Variants in LRRC75A observed in about 807,000 individuals in gnomAD.
LRRC75A encodes the protein leucine rich repeat containing 75A, also known as leucine-rich repeat-containing protein 75A.
A neutral mutation model predicts 26.0 loss-of-function variants in LRRC75A; 12 were observed. The ratio of observed to expected loss-of-function variants is 0.46; its 90% confidence interval spans 0.30 to 0.75. The LOEUF (loss-of-function observed/expected upper bound fraction) is 0.75, where lower values mean the gene tolerates loss of function less well. LRRC75A is among the 30% of genes least tolerant of loss of function. The probability of loss-of-function intolerance (pLI) is 0.08; values close to 1 mark genes in which losing one functional copy is unlikely to be tolerated. For synonymous variants in LRRC75A, 223 were observed against 219.3 expected (o/e 1.02, Z -0.15); for missense variants, 410 against 486.6 (o/e 0.84, Z 1.48).
intron 1 of LRRC75A, among the ~76,000 whole-genome samples, chr17:16,486,285 G>A (rs2093846980): frequency 6.6e-6 from 1 of 152,014 alleles, no homozygotes; most frequent in Non-Finnish European, 1.5e-5. Flanking sequence ...CTGAGGAGGT[G>A]GCATTTGTTC....
chr17:16,483,515 G>A (rs1375206123), intron 1 of LRRC75A, among the ~76,000 whole-genome samples: 1 of 152,200 alleles, frequency 6.6e-6, no homozygotes, highest in Non-Finnish European at 1.5e-5. Context: ...CTCAGGGCCT[G>A]GAAGAAATAA....
At chr17:16,446,320 C>T (rs1601069998) in intron 3 of LRRC75A, among the ~76,000 whole-genome samples, 3 of 152,326 alleles carry the variant, frequency 2.0e-5, no homozygotes, top group Admixed American at 2.0e-4. Context: ...TCTTCCTCTA[C>T]TAGGGGGAGA....
intron 1 of LRRC75A, among the ~76,000 whole-genome samples, chr17:16,470,121 T>C (rs2093799113): frequency 6.6e-6 from 1 of 152,104 alleles, no homozygotes; most frequent in African/African-American, 2.4e-5. Flanking sequence ...AGTGTTTGTC[T>C]TTTTTTGGTG....
intron 2 of LRRC75A, among the ~76,000 whole-genome samples, chr17:16,461,897 T>C (rs1288790174): frequency 2.6e-5 from 4 of 151,832 alleles, no homozygotes; most frequent in Non-Finnish European, 5.9e-5. Context: ...GTACAACCTG[T>C]ACAACTGTAT....
At chr17:16,480,814 G>C (rs1258179688) in intron 1 of LRRC75A, among the ~76,000 whole-genome samples, 1 of 152,136 alleles carries the variant, frequency 6.6e-6, no homozygotes, top group Non-Finnish European at 1.5e-5. Flanking sequence ...CCTGTGACGA[G>C]GGAAGTCAGG....
intron 2 of LRRC75A, among the ~76,000 whole-genome samples, chr17:16,459,891 C>T (rs1568966279): frequency 6.6e-6 from 1 of 152,218 alleles, no homozygotes; most frequent in Non-Finnish European, 1.5e-5. Flanking sequence ...TTTAGCAGGG[C>T]TCACCCACTC....
intron 1 of LRRC75A, chr17:16,463,777 C>T (rs1252791945): frequency 6.6e-6 from 1 of 152,298 alleles, no homozygotes; most frequent in East Asian, 1.9e-4. Flanking sequence ...GATGGAGACA[C>T]CAAGGCCCAC....
At chr17:16,482,325 G>A (rs2093836312) in intron 1 of LRRC75A, among the ~76,000 whole-genome samples, 3 of 152,122 alleles carry the variant, frequency 2.0e-5, no homozygotes, top group Admixed American at 1.3e-4. Context: ...GTGGGTGGAG[G>A]CTCCATGGGG....
chr17:16,492,174 T>G lies in LRRC75A; in HGVS notation c.-184A>C. The stretch of plus-strand genomic sequence containing the variant: ...TCGGCGCTCCCCGCGCTCCTCCCTC[T>G]TGGCTACCCGGGCGCGCTCCCCGGG... On this transcript the variant is annotated 5_prime_UTR_variant, in exon 1 of 4. Transcript: ENST00000470794. The G allele has an allele frequency of 6.3e-6, 2 of 316,906 alleles. No homozygotes were observed. The highest frequency in any genetic ancestry group is 9.0e-6 in the Non-Finnish European group (2 of 222,438). 19.6% of individuals were successfully genotyped at this position (316,906 alleles called of 1,614,324 possible). A position where few individuals can be genotyped will look rare whatever the true frequency, so the allele number is the denominator to read the frequency against.
intron 3 of LRRC75A, among the ~76,000 whole-genome samples, chr17:16,444,671 C>T (rs2093565424): frequency 1.3e-5 from 2 of 151,892 alleles, no homozygotes; most frequent in African/African-American, 2.4e-5. Context: ...AGCCTGGTGG[C>T]AGCTGCTGAC....
In LRRC75A at chr17:16,492,047, A is replaced by G; in HGVS notation, c.-57T>C. ...GGGCCGCGAGGCCGCGTCCCCGCCAACCGCCCGCCCCTCGGCCGCCCGTGC... is the reference window on the plus strand; with the variant it reads ...GGGCCGCGAGGCCGCGTCCCCGCCAGCCGCCCGCCCCTCGGCCGCCCGTGC... On this transcript the variant is annotated 5_prime_UTR_variant, in exon 1 of 4. Transcript: ENST00000470794. The G allele has an allele frequency of 9.2e-7, 1 of 1,089,358 alleles. No individual in the cohort carries two copies. The highest frequency in any genetic ancestry group is 6.0e-5 in the East Asian group (1 of 16,730). The allele number at this position is 1,089,358 out of a possible 1,614,324, so 67.5% of individuals were successfully genotyped here.
At chr17:16,454,951 G>A (rs1049404941) in intron 2 of LRRC75A, among the ~76,000 whole-genome samples, 1 of 149,984 alleles carries the variant, frequency 6.7e-6, no homozygotes, top group African/African-American at 2.5e-5. Flanking sequence ...TTTTAGTGAC[G>A]GAGTCTTGCT....
intron 1 of LRRC75A, among the ~76,000 whole-genome samples, chr17:16,485,821 C>T (rs1338494445): frequency 6.6e-6 from 1 of 152,068 alleles, no homozygotes; most frequent in African/African-American, 2.4e-5. Context: ...CTGACCCCAC[C>T]CCCTCTGCAT....
chr17:16,448,054 C>A (rs752428551), intron 2 of LRRC75A, 94 bp from the exon 3 acceptor site: 1 of 1,164,450 alleles, frequency 8.6e-7, no homozygotes, highest in Non-Finnish European at 1.2e-6. Context: ...GAGCCCAGCT[C>A]CCCCAGGCTG....
chr17:16,456,189 A>AGG (rs761199798), intron 2 of LRRC75A, among the ~76,000 whole-genome samples: 30,617 of 98,892 alleles, frequency 0.31, 7,240 homozygotes, highest in African/African-American at 0.34. Flanking sequence ...GAGGAAGAGG[A>AGG]GGAAGGAGGA....
intron 1 of LRRC75A, among the ~76,000 whole-genome samples, chr17:16,466,374 C>T (rs926170521): frequency 2.0e-5 from 3 of 152,248 alleles, no homozygotes; most frequent in African/African-American, 7.2e-5. Flanking sequence ...CACACAAGGC[C>T]TGCTGCATGT....
At chr17:16,465,349 T>G (rs1295173785) in intron 1 of LRRC75A, among the ~76,000 whole-genome samples, 1 of 152,222 alleles carries the variant, frequency 6.6e-6, no homozygotes, top group East Asian at 1.9e-4. Context: ...GACTTCCCTC[T>G]TGGGATTCAT....
At chr17:16,475,978 G>A (rs1440288606) in intron 1 of LRRC75A, among the ~76,000 whole-genome samples, 2 of 152,018 alleles carry the variant, frequency 1.3e-5, no homozygotes, top group East Asian at 1.9e-4. Context: ...GGATCATGAG[G>A]TCAGGAGATC....
chr17:16,478,039 C>T (rs2093825212), intron 1 of LRRC75A, among the ~76,000 whole-genome samples: 1 of 151,806 alleles, frequency 6.6e-6, no homozygotes, highest in Admixed American at 6.6e-5. Context: ...CATCCAGCGT[C>T]CCTGCTCTCA....
Sources: gnomAD v4.1 joint callset for allele counts (sites outside exome capture counted in the v4.1 genomes callset) on GRCh38, gnomAD v4.1.1 for gene constraint, MANE v1.5 for transcripts, NCBI Gene and HGNC (gene_info 2026-07-23, HGNC 2026-07-21) for gene names.